Variants in ALDH1A1 observed in about 807,000 individuals in gnomAD.
The protein encoded by ALDH1A1 is aldehyde dehydrogenase 1A1.
In ALDH1A1, 19 loss-of-function variants were observed where a neutral mutation model predicts 62.1. That is an observed-to-expected ratio of 0.31 (90% CI 0.21 to 0.45). ALDH1A1 has a LOEUF of 0.45. Ranked by LOEUF, ALDH1A1 falls within the 20% of genes least tolerant of loss-of-function variation. The pLI, the probability that ALDH1A1 is intolerant of heterozygous loss-of-function variation, is 1.00. For missense variants in ALDH1A1, 521 were observed against 607.1 expected (o/e 0.86, Z 1.49); for synonymous variants, 231 against 215.9 (o/e 1.07, Z -0.61).
intron 2 of ALDH1A1, among the ~76,000 whole-genome samples, chr9:72,933,943 T>C (rs1830316795): frequency 6.6e-6 from 1 of 151,904 alleles, no homozygotes; most frequent in East Asian, 1.9e-4. Context: ...ACTACAGGAG[T>C]GCATCACCAT....
intron 7 of ALDH1A1, among the ~76,000 whole-genome samples, chr9:72,922,674 C>T (rs348459): frequency 0.91 from 138,104 of 152,296 alleles, 62,932 homozygotes; most frequent in East Asian, 0.98. Flanking sequence ...CCTCAACAGG[C>T]ACATGGATTC....
intron 2 of ALDH1A1, among the ~76,000 whole-genome samples, chr9:72,935,740 T>C (rs945433299): frequency 6.6e-6 from 1 of 152,160 alleles, no homozygotes; most frequent in Non-Finnish European, 1.5e-5. Context: ...TTCTTTATAA[T>C]ACCGTTGAAA....
chr9:72,938,733 TAAGA>T lies in ALDH1A1; in HGVS notation c.171+1411_171+1414del, dbSNP rs1830376711. ...GTGCTGGGATATCTTACTTTCATAATAAGAAAGACTATTTAATTTTTTTTTTTTA... is the reference window on the plus strand; with the variant it reads ...GTGCTGGGATATCTTACTTTCATAATAAGACTATTTAATTTTTTTTTTTTA... On this transcript the variant is annotated intron_variant, in intron 2 of 12. Coordinates refer to ENST00000297785, the MANE Select transcript of ALDH1A1 (RefSeq NM_000689.5). Among the ~76,000 whole-genome samples, 3 of 150,538 alleles carry T rather than the reference TAAGA, an allele frequency of 2.0e-5. No individual in the cohort carries two copies. In the South Asian group the frequency reaches 6.3e-4, roughly 32 times the overall value.
At chr9:72,919,987 G>A (rs1249300648) in intron 7 of ALDH1A1, among the ~76,000 whole-genome samples, 1 of 151,826 alleles carries the variant, frequency 6.6e-6, no homozygotes, top group Non-Finnish European at 1.5e-5. Context: ...TTTATTATTT[G>A]TATGGCAGCC....
At chr9:72,904,805 A>G (rs1829854925) in intron 12 of ALDH1A1, among the ~76,000 whole-genome samples, 1 of 152,058 alleles carries the variant, frequency 6.6e-6, no homozygotes, top group Non-Finnish European at 1.5e-5. Context: ...CTACCTCCAT[A>G]GGATATGGAA....
intron 1 of ALDH1A1, among the ~76,000 whole-genome samples, chr9:72,949,937 C>G (rs1830522553): frequency 6.6e-6 from 1 of 151,464 alleles, no homozygotes; most frequent in Non-Finnish European, 1.5e-5. Flanking sequence ...AATTTTTGAT[C>G]CCTGAAATCT....
In ALDH1A1 at chr9:72,918,764, T is replaced by C; in HGVS notation, c.806A>G (p.Glu269Gly). 6.2e-7 allele frequency: 1 copy of C among 1,613,964 alleles called. No homozygotes were observed. The highest frequency in any genetic ancestry group is 8.5e-7 in the Non-Finnish European group (1 of 1,179,962). Reference sequence around the variant, plus strand: ...AATGCAAGGGCTCTTTCCTCCAAGCTCCAGGGTCACCCTCTTCAGATTGCT... The same window carrying C: ...AATGCAAGGGCTCTTTCCTCCAAGCCCCAGGGTCACCCTCTTCAGATTGCT... ...GKSNLKRVTL[E>G]LGGKSPCIVL... Residue 269 changes from glutamate to glycine, a missense_variant, in exon 8 of 13, where the codon GAG becomes GGG. By Grantham distance (98) the Glu-to-Gly change is moderately conservative (BLOSUM62 -2). Transcript: ENST00000297785.
Position 72,909,771 on chromosome 9 carries a change from G to T in ALDH1A1, c.1201-12C>A. 6.3e-7 allele frequency: 1 copy of T among 1,583,114 alleles called. No homozygotes were observed. Among genetic ancestry groups the T allele is most frequent in the Non-Finnish European group, 8.6e-7 (1 of 1,162,288 alleles). On this transcript the variant is annotated splice_polypyrimidine_tract_variant and intron_variant, in intron 10 of 12. Coordinates refer to ENST00000297785, the MANE Select transcript of ALDH1A1 (RefSeq NM_000689.5). ...ACTGGTCCAAAAATCTATACCACAA[G>T]AAATAAATAAGTAAAAATAATAGGT...
At chr9:72,929,244 G>T (rs1351613429) in intron 3 of ALDH1A1, among the ~76,000 whole-genome samples, 2 of 152,114 alleles carry the variant, frequency 1.3e-5, no homozygotes, top group African/African-American at 2.4e-5. Context: ...AAACCCCAGT[G>T]CTCTTTCTAT....
chr9:72,903,122 A>G (rs572877131), intron 12 of ALDH1A1, among the ~76,000 whole-genome samples: 1 of 152,156 alleles, frequency 6.6e-6, no homozygotes, highest in South Asian at 2.1e-4. Flanking sequence ...TCACTATACG[A>G]CCATTAGTTT....
At chr9:72,923,386 C>T (rs8187939) in intron 7 of ALDH1A1, among the ~76,000 whole-genome samples, 311 of 152,234 alleles carry the variant, frequency 2.0e-3, no homozygotes, top group African/African-American at 7.2e-3. Flanking sequence ...AGTATGCTTC[C>T]ACCACTTTCT....
At chr9:72,945,036 T>C (rs1286490384) in intron 1 of ALDH1A1, among the ~76,000 whole-genome samples, 2 of 152,130 alleles carry the variant, frequency 1.3e-5, no homozygotes, top group East Asian at 3.8e-4. Flanking sequence ...CAAGTAGCCA[T>C]TTCCTGGATT....
intron 2 of ALDH1A1, among the ~76,000 whole-genome samples, chr9:72,931,555 C>A (rs1290650316): frequency 6.6e-6 from 1 of 152,312 alleles, no homozygotes; most frequent in African/African-American, 2.4e-5. Flanking sequence ...AGGTCAAGCT[C>A]AAGATCCAAA....
At position 72,923,932 on chromosome 9, in the gene ALDH1A1, T is replaced by C. The variant is rs1830172625; in HGVS notation, c.747+87A>G. The C allele has an allele frequency of 4.6e-6, 4 of 873,728 alleles. No homozygotes were observed. In the East Asian group the frequency reaches 1.1e-4, roughly 24 times the overall value. The allele number at this position is 873,728 out of a possible 1,614,324, so 54.1% of individuals were successfully genotyped here. On this transcript the variant is annotated intron_variant, in intron 7 of 12. Coordinates refer to ENST00000297785, the MANE Select transcript of ALDH1A1 (RefSeq NM_000689.5). ...TTAAAAAGAGTTTTTGTTTTAAAATTGTTGGCTCAAAAATAGTTACATAAA... is the reference window on the plus strand; with the variant it reads ...TTAAAAAGAGTTTTTGTTTTAAAATCGTTGGCTCAAAAATAGTTACATAAA...
intron 11 of ALDH1A1, 89 bp downstream of exon 11, chr9:72,909,513 A>C: frequency 7.7e-7 from 1 of 1,291,534 alleles, no homozygotes; most frequent in Non-Finnish European, 1.0e-6. Context: ...GTAATTCCAA[A>C]TGAAAAATCC....
Position 72,917,045 on chromosome 9 carries a change from T to A in ALDH1A1, c.910A>T (p.Ile304Leu). The A allele has an allele frequency of 6.2e-7, 1 of 1,613,684 alleles. No homozygotes were observed. Among genetic ancestry groups the A allele is most frequent in the Non-Finnish European group, 8.5e-7 (1 of 1,179,746 alleles). The change falls in exon 9 of 13, where the codon ATA (isoleucine) becomes TTA (leucine). Residue 304 changes from isoleucine (I) to leucine (L), a missense_variant. Coordinates refer to ENST00000297785, the MANE Select transcript of ALDH1A1 (RefSeq NM_000689.5). ...GVFYHQGQCC[I>L]AASRIFVEES... Reference sequence around the variant, plus strand: ...TCCACAAAAATCCTGGATGCGGCTATACAACACTGGCCCTGGTGGTAGAAT... The same window carrying A: ...TCCACAAAAATCCTGGATGCGGCTAAACAACACTGGCCCTGGTGGTAGAAT...
chr9:72,926,198 T>C (rs1474241906), intron 5 of ALDH1A1, among the ~76,000 whole-genome samples: 1 of 152,198 alleles, frequency 6.6e-6, no homozygotes, highest in Non-Finnish European at 1.5e-5. Context: ...CAGAAGGCTG[T>C]CTTGAGCATT....
intron 4 of ALDH1A1, 152 bp downstream of exon 4, chr9:72,928,740 A>G: frequency 1.2e-6 from 1 of 813,388 alleles, no homozygotes; most frequent in Non-Finnish European, 1.8e-6. Flanking sequence ...TAGAACTTCT[A>G]AGTTGAAAAC....
intron 7 of ALDH1A1, among the ~76,000 whole-genome samples, chr9:72,921,427 G>A (rs1830140940): frequency 6.7e-6 from 1 of 149,942 alleles, no homozygotes. Flanking sequence ...GTTCCAGGGA[G>A]TATGGAACTA....
Sources: allele counts gnomAD v4.1 joint callset (sites outside exome capture counted in the v4.1 genomes callset), GRCh38; gene constraint gnomAD v4.1.1; transcripts MANE v1.5; gene names NCBI Gene and HGNC (gene_info 2026-07-23, HGNC 2026-07-21).